The following TAF1 variants were observed in gnomAD, a reference collection of about 807,000 sequenced individuals.
TAF1 encodes the protein TATA-box binding protein associated factor 1.
Under a neutral mutation model 138.5 loss-of-function variants are expected in TAF1, and 2 were observed. That is an observed-to-expected ratio of 0.01 (90% CI 0.01 to 0.05). TAF1 has a LOEUF of 0.05. Among genes scored for constraint, TAF1 ranks in the 10% least tolerant of loss-of-function variants. The probability of loss-of-function intolerance (pLI) is 1.00; values close to 1 mark genes in which losing one functional copy is unlikely to be tolerated. For missense variants in TAF1, 709 were observed against 1,478.0 expected, an observed-to-expected ratio of 0.48 and a Z score of 8.53; for synonymous variants, 437 against 503.2, an observed-to-expected ratio of 0.87 and a Z score of 1.76.
Position 71,377,570 on chromosome X carries a change from G to A in TAF1, c.715-33G>A, listed in dbSNP as rs1161404880. ...CTGCTGTTTTCCCATCTGACTTTGAGTCTGTGTCATAGTAATGTATTCTGT... is the reference window on the plus strand; with the variant it reads ...CTGCTGTTTTCCCATCTGACTTTGAATCTGTGTCATAGTAATGTATTCTGT... On this transcript the variant is annotated intron_variant, in intron 5 of 37. Transcript: ENST00000423759. 9.2e-6 allele frequency: 11 copies of A among 1,191,929 alleles called. No individual in the cohort carries two copies. In the African/African-American group the frequency reaches 1.0e-4, roughly 11 times the overall value.
intron 8 of TAF1, among the ~76,000 whole-genome samples, chrX:71,381,415 C>T (rs1252620960): frequency 8.9e-6 from 1 of 111,839 alleles, no homozygotes; most frequent in Non-Finnish European, 1.9e-5. Flanking sequence ...CAGGCATGTG[C>T]CACCACACCC....
chrX:71,505,279 G>C (rs1377563188), intron 13 of TAF1, among the ~76,000 whole-genome samples: 1 of 111,555 alleles, frequency 9.0e-6, no homozygotes, highest in African/African-American at 3.3e-5. Context: ...CCCTCAAGGA[G>C]GAGGAGCATT....
intron 4 of TAF1, among the ~76,000 whole-genome samples, chrX:71,376,175 C>T (rs1413221046): frequency 9.0e-6 from 1 of 111,618 alleles, no homozygotes; most frequent in Non-Finnish European, 1.9e-5. Flanking sequence ...AGTTTTAAGC[C>T]ATTTCTTTTA....
intron 37 of TAF1, among the ~76,000 whole-genome samples, 184 bp from the exon 38 acceptor site, chrX:71,463,640 T>C (rs1292553821): frequency 6.3e-5 from 7 of 111,613 alleles, no homozygotes; most frequent in African/African-American, 2.3e-4. Context: ...GTATATGACG[T>C]TGGCAAGTTG....
In TAF1 at chrX:71,402,055, G is replaced by A. The variant is rs761518838; in HGVS notation, c.3998+316G>A. Among the ~76,000 whole-genome samples, 88 of 111,904 alleles carry A rather than the reference G, an allele frequency of 7.9e-4. 1 individual carries two copies. The highest frequency in any genetic ancestry group is 1.3e-3 in the Non-Finnish European group (68 of 53,172). On this transcript the variant is annotated intron_variant, in intron 25 of 37. Transcript: ENST00000423759. The stretch of plus-strand genomic sequence containing the variant: ...CATACAGTACAGTGCCTGACATATA[G>A]TAGATGTCAGTTATCTCTTCTTGTT...
rs1230714488 is a variant in TAF1 at position 71,502,091 on chromosome X, G to T, written c.1367-26451G>T. Among the ~76,000 whole-genome samples, 5 of 111,447 alleles carry T rather than the reference G, an allele frequency of 4.5e-5. No individual in the cohort carries two copies. The Admixed American group carries it at 4.8e-4, about 11-fold the overall frequency. On this transcript the variant is annotated intron_variant and NMD_transcript_variant, in intron 13 of 14. Coordinates refer to the TAF1 transcript ENST00000373775. The stretch of plus-strand genomic sequence containing the variant: ...ACAAAGCTTCCACAGTGTGGAAGGG[G>T]ACCTGAGCAGGTTGCTGCTACTGGC...
chrX:71,446,710 A>G (rs1479510159), intron 32 of TAF1, among the ~76,000 whole-genome samples: 1 of 112,346 alleles, frequency 8.9e-6, no homozygotes, highest in African/African-American at 3.2e-5. Context: ...GAGAAAAAAT[A>G]AAAACATTTT....
chrX:71,492,198 C>G (rs1210180277), intron 13 of TAF1: 1 of 126,751 alleles, frequency 7.9e-6, no homozygotes, highest in South Asian at 2.7e-4. Context: ...GAGACTCACA[C>G]ACGAGAAGCG....
intron 32 of TAF1, among the ~76,000 whole-genome samples, chrX:71,440,947 TTTC>T (rs914075342): frequency 2.7e-5 from 3 of 110,683 alleles, no homozygotes; most frequent in South Asian, 3.8e-4. Flanking sequence ...TTCTTCCTTC[TTTC>T]TTCTTCTTCT....
chrX:71,423,462 G>A lies in TAF1; in HGVS notation c.4575+223G>A, dbSNP rs771037543. Among the ~76,000 whole-genome samples the A allele has an allele frequency of 5.4e-5, 6 of 110,707 alleles. No homozygotes were observed. In the East Asian group the frequency reaches 1.7e-3, roughly 31 times the overall value. On this transcript the variant is annotated intron_variant, in intron 30 of 37. Coordinates refer to ENST00000423759, the MANE Select transcript of TAF1 (RefSeq NM_004606.5). Reference sequence around the variant, plus strand: ...TCAAAGAGGCCAGGAATCTTTGGATGTAGGGAGGTTTTTGCTTCCTGTTGT... The same window carrying A: ...TCAAAGAGGCCAGGAATCTTTGGATATAGGGAGGTTTTTGCTTCCTGTTGT...
At chrX:71,453,349 A>G (rs964769430) in intron 32 of TAF1, among the ~76,000 whole-genome samples, 8 of 108,583 alleles carry the variant, frequency 7.4e-5, no homozygotes, top group Non-Finnish European at 1.5e-4. Flanking sequence ...TCTTTAGGCC[A>G]GGAGTTCAAG....
chrX:71,484,064 C>T (rs1172110771), intron 13 of TAF1, among the ~76,000 whole-genome samples: 1 of 110,442 alleles, frequency 9.1e-6, no homozygotes, highest in Non-Finnish European at 1.9e-5. Flanking sequence ...GAAATGAGGT[C>T]TCACTATGTT....
At chrX:71,430,166 G>A (rs904931294) in intron 32 of TAF1, among the ~76,000 whole-genome samples, 3 of 111,095 alleles carry the variant, frequency 2.7e-5, no homozygotes, top group Non-Finnish European at 5.7e-5. Flanking sequence ...GGATCACGAG[G>A]TCAGGAGATT....
chrX:71,378,741 A>ATG (rs2033659246), intron 7 of TAF1, 83 bp from the exon 8 acceptor site: 1 of 997,812 alleles, frequency 1.0e-6, no homozygotes, highest in Non-Finnish European at 1.4e-6. Flanking sequence ...AATGTGTCTG[A>ATG]TGTATCTTTA....
At chrX:71,481,021 G>A (rs1360415966) in intron 13 of TAF1, among the ~76,000 whole-genome samples, 2 of 112,653 alleles carry the variant, frequency 1.8e-5, no homozygotes, top group East Asian at 2.8e-4. Flanking sequence ...GCTCACGCCT[G>A]TAATCCCAGC....
chrX:71,445,114 G>A (rs754731802), intron 32 of TAF1, among the ~76,000 whole-genome samples: 53 of 109,127 alleles, frequency 4.9e-4, no homozygotes, highest in African/African-American at 1.6e-3. Context: ...TGGTCAACAT[G>A]GTGAAACCCG....
At chrX:71,394,672 C>G (rs1256161597) in intron 22 of TAF1, among the ~76,000 whole-genome samples, 1 of 112,226 alleles carries the variant, frequency 8.9e-6, no homozygotes, top group African/African-American at 3.2e-5. Flanking sequence ...CATTCTGTCA[C>G]CCAGGCTGGA....
At chrX:71,493,187 G>A (rs1230875207) in intron 13 of TAF1, among the ~76,000 whole-genome samples, 1 of 110,757 alleles carries the variant, frequency 9.0e-6, no homozygotes, top group African/African-American at 3.3e-5. Flanking sequence ...CTAATTTTTT[G>A]TATTTTTAGT....
chrX:71,528,254 C>T, intron 13 of TAF1: 2 of 243,414 alleles, frequency 8.2e-6, no homozygotes, highest in South Asian at 9.1e-5. Context: ...TGTATGATTG[C>T]CCCCAGCACC....
Sources: allele counts gnomAD v4.1 joint callset (sites outside exome capture counted in the v4.1 genomes callset), GRCh38; gene constraint gnomAD v4.1.1; transcripts MANE v1.5; gene names NCBI Gene and HGNC (gene_info 2026-07-23, HGNC 2026-07-21).